The following CSMD1 variants were observed in gnomAD, a reference collection of about 807,000 sequenced individuals.
CSMD1 encodes the protein CUB and sushi domain-containing protein 1.
A neutral mutation model predicts 417.5 loss-of-function variants in CSMD1; 213 were observed. The observed-to-expected ratio is 0.51, with a 90% CI of 0.46 to 0.57. CSMD1 has a LOEUF of 0.57. Ranked by LOEUF, CSMD1 falls within the 20% of genes least tolerant of loss-of-function variation. The probability of loss-of-function intolerance (pLI) is 0.00; values close to 1 mark genes in which losing one functional copy is unlikely to be tolerated. For synonymous variants in CSMD1, 2,862 were observed against 1,736.8 expected, an observed-to-expected ratio of 1.65 and a Z score of -16.11; for missense variants, 6,923 against 4,529.7, an observed-to-expected ratio of 1.53 and a Z score of -15.17.
chr8:3,249,592 G>T (rs538472115), intron 26 of CSMD1, among the ~76,000 whole-genome samples: 1 of 150,566 alleles, frequency 6.6e-6, no homozygotes, highest in Non-Finnish European at 1.5e-5. Context: ...GTTTACAATC[G>T]TATAAATACA....
chr8:4,121,602 G>A (rs529261150), intron 3 of CSMD1, among the ~76,000 whole-genome samples: 1 of 141,822 alleles, frequency 7.1e-6, no homozygotes, highest in African/African-American at 2.6e-5. Context: ...AGTAAATCAT[G>A]TGCATAAACA....
intron 3 of CSMD1, among the ~76,000 whole-genome samples, chr8:4,343,786 C>T (rs937428600): frequency 2.0e-5 from 3 of 152,088 alleles, no homozygotes; most frequent in Non-Finnish European, 2.9e-5. Context: ...CTACACGTTC[C>T]GTATTAGAAA....
intron 41 of CSMD1, among the ~76,000 whole-genome samples, chr8:3,126,853 C>T (rs1817538427): frequency 1.3e-5 from 2 of 152,132 alleles, no homozygotes; most frequent in Non-Finnish European, 2.9e-5. Flanking sequence ...GACCAGCCTG[C>T]ACATGAAACG....
intron 2 of CSMD1, among the ~76,000 whole-genome samples, chr8:4,555,636 A>G (rs1299941200): frequency 6.6e-6 from 1 of 152,182 alleles, no homozygotes; most frequent in Non-Finnish European, 1.5e-5. Context: ...ATTCTTCATG[A>G]TAAAAATGCT....
At chr8:3,368,430 G>A (rs867647591) in intron 19 of CSMD1, among the ~76,000 whole-genome samples, 11 of 152,228 alleles carry the variant, frequency 7.2e-5, no homozygotes, top group Non-Finnish European at 4.4e-5. Flanking sequence ...TCCGCCTCCT[G>A]GGTTCAAGCC....
At chr8:3,481,556 C>T (rs1039598384) in intron 11 of CSMD1, among the ~76,000 whole-genome samples, 1 of 152,154 alleles carries the variant, frequency 6.6e-6, no homozygotes, top group African/African-American at 2.4e-5. Flanking sequence ...ATCTGTGAAA[C>T]TTACTTTTCA....
chr8:3,069,239 G>T (rs950675446), intron 49 of CSMD1, among the ~76,000 whole-genome samples: 4 of 151,916 alleles, frequency 2.6e-5, no homozygotes, highest in African/African-American at 9.7e-5. Context: ...CTTGAGACCA[G>T]CCTGGCCAAC....
At chr8:3,451,186 T>C (rs1815689097) in intron 12 of CSMD1, among the ~76,000 whole-genome samples, 1 of 152,226 alleles carries the variant, frequency 6.6e-6, no homozygotes, top group East Asian at 1.9e-4. Flanking sequence ...TGTAAATTTG[T>C]TTGAGTTCAT....
At chr8:4,582,061 T>C (rs1278568236) in intron 2 of CSMD1, among the ~76,000 whole-genome samples, 2 of 151,284 alleles carry the variant, frequency 1.3e-5, no homozygotes, top group African/African-American at 2.5e-5. Context: ...GGACACTGCG[T>C]TCCGAGCCTC....
chr8:3,254,815 A>T (rs113855210), intron 26 of CSMD1, among the ~76,000 whole-genome samples: 21,983 of 151,980 alleles, frequency 0.14, 1,689 homozygotes, highest in Admixed American at 0.19. Flanking sequence ...CATGGGTTCA[A>T]ACTTCCTCCT....
chr8:3,876,280 T>C (rs1262409130), intron 5 of CSMD1, among the ~76,000 whole-genome samples: 8 of 152,204 alleles, frequency 5.3e-5, no homozygotes, highest in Admixed American at 3.3e-4. Flanking sequence ...TTATTTACCT[T>C]AGAAGTTTTT....
chr8:3,017,724 G>A lies in CSMD1; in HGVS notation c.8029+753C>T, dbSNP rs17389394. Among the ~76,000 whole-genome samples, 654 of 150,220 alleles carry A rather than the reference G, an allele frequency of 4.4e-3. 4 individuals are homozygous for A. The highest frequency in any genetic ancestry group is 7.6e-3 in the Non-Finnish European group (518 of 67,778). On this transcript the variant is annotated intron_variant, in intron 52 of 69. Transcript: ENST00000635120. Reference sequence around the variant, plus strand: ...GGTTTTGCTATTTGAAGTTTACTGGGCCTGGCTTAGTTCCTGAAGTGATCT... The same window carrying A: ...GGTTTTGCTATTTGAAGTTTACTGGACCTGGCTTAGTTCCTGAAGTGATCT...
At chr8:4,214,634 G>A (rs1271276234) in intron 3 of CSMD1, among the ~76,000 whole-genome samples, 2 of 152,084 alleles carry the variant, frequency 1.3e-5, no homozygotes, top group Admixed American at 6.5e-5. Context: ...CACTGAGTAT[G>A]TATTTGCATG....
At chr8:3,571,764 C>T (rs912961541) in intron 10 of CSMD1, among the ~76,000 whole-genome samples, 4 of 152,176 alleles carry the variant, frequency 2.6e-5, no homozygotes, top group Non-Finnish European at 5.9e-5. Flanking sequence ...CCGTCTGGGG[C>T]AATTTCCCCT....
chr8:3,421,067 C>A (rs141800429), intron 12 of CSMD1, among the ~76,000 whole-genome samples: 65 of 152,276 alleles, frequency 4.3e-4, no homozygotes, highest in African/African-American at 1.5e-3. Context: ...ATTACAATAA[C>A]TGAAGACGAA....
chr8:4,681,079 T>G (rs894371280), intron 1 of CSMD1, among the ~76,000 whole-genome samples: 10 of 152,004 alleles, frequency 6.6e-5, no homozygotes, highest in African/African-American at 2.4e-4. Context: ...TATGGCTACG[T>G]AATGAAAAAT....
At chr8:3,602,510 G>A (rs975430061) in intron 8 of CSMD1, among the ~76,000 whole-genome samples, 2 of 152,058 alleles carry the variant, frequency 1.3e-5, no homozygotes, top group African/African-American at 2.4e-5. Context: ...AAACTCTTTT[G>A]CATATCACTG....
At chr8:3,551,462 A>T (rs1276364533) in intron 10 of CSMD1, among the ~76,000 whole-genome samples, 1 of 152,016 alleles carries the variant, frequency 6.6e-6, no homozygotes, top group Non-Finnish European at 1.5e-5. Context: ...AGAAAAGAAC[A>T]TATTTTACCA....
In CSMD1 at chr8:4,669,429, G is replaced by C. The variant is rs144597169; in HGVS notation, c.86-31871C>G. Among the ~76,000 whole-genome samples, 981 of 152,214 alleles carry C rather than the reference G, an allele frequency of 6.4e-3. 6 individuals carry two copies. The highest frequency in any genetic ancestry group is 0.017 in the Middle Eastern group (5 of 294). On this transcript the variant is annotated intron_variant, in intron 1 of 69. Transcript: ENST00000635120. ...CATTTGAGAAAATAGTTGTAGTTTT[G>C]TTTTTCTAGTTCCTGAGGAACAACT...
Sources: gnomAD v4.1 joint callset for allele counts (sites outside exome capture counted in the v4.1 genomes callset) on GRCh38, gnomAD v4.1.1 for gene constraint, MANE v1.5 for transcripts, NCBI Gene and HGNC (gene_info 2026-07-23, HGNC 2026-07-21) for gene names.